Variants in EVC observed in about 807,000 individuals in gnomAD.
EVC encodes evC complex member EVC.
EVC carries 116 observed loss-of-function variants against 118.9 expected under a neutral mutation model. The observed-to-expected ratio is 0.98, with a 90% CI of 0.84 to 1.14. The LOEUF (loss-of-function observed/expected upper bound fraction) is 1.14, where lower values mean the gene tolerates loss of function less well. Among genes scored for constraint, EVC ranks in the 50% most tolerant of loss-of-function variants. The pLI, the probability that EVC is intolerant of heterozygous loss-of-function variation, is 0.00. For synonymous variants in EVC, 619 were observed against 534.7 expected, an observed-to-expected ratio of 1.16 and a Z score of -2.18; for missense variants, 1,401 against 1,246.4, an observed-to-expected ratio of 1.12 and a Z score of -1.87.
intron 1 of EVC, among the ~76,000 whole-genome samples, chr4:5,718,215 A>G (rs1343053030): frequency 6.6e-6 from 1 of 152,154 alleles, no homozygotes; most frequent in African/African-American, 2.4e-5. Context: ...TGGGGGGAAA[A>G]CAGGGTTAGG....
intron 2 of EVC, among the ~76,000 whole-genome samples, chr4:5,721,718 T>C (rs757485806): frequency 3.9e-5 from 6 of 152,034 alleles, no homozygotes; most frequent in Non-Finnish European, 1.5e-5. Flanking sequence ...AATACAAAAA[T>C]CAGCTGGGTG....
chr4:5,751,371 G>A (rs1730340637), intron 8 of EVC, among the ~76,000 whole-genome samples: 1 of 152,136 alleles, frequency 6.6e-6, no homozygotes, highest in African/African-American at 2.4e-5. Context: ...CACATCGATT[G>A]CACCACCACT....
At chr4:5,729,000 C>CAG (rs1726327415) in intron 2 of EVC, among the ~76,000 whole-genome samples, 2 of 152,106 alleles carry the variant, frequency 1.3e-5, no homozygotes, top group Non-Finnish European at 2.9e-5. Flanking sequence ...ACCCATCTGT[C>CAG]TGTCCATCCT....
chr4:5,758,842 GTA>G (rs1349314809), intron 11 of EVC, among the ~76,000 whole-genome samples: 2 of 152,220 alleles, frequency 1.3e-5, no homozygotes, highest in Non-Finnish European at 2.9e-5. Context: ...TAGTTTAAAA[GTA>G]TGTAAACAAG....
chr4:5,790,859 C>T (rs939532297), intron 12 of EVC, among the ~76,000 whole-genome samples: 12 of 152,108 alleles, frequency 7.9e-5, no homozygotes, highest in African/African-American at 2.4e-4. Context: ...TTTGGGAGGC[C>T]GAGGCAGATG....
chr4:5,758,874 G>A (rs1354694393), intron 11 of EVC, among the ~76,000 whole-genome samples: 1 of 152,242 alleles, frequency 6.6e-6, no homozygotes, highest in Non-Finnish European at 1.5e-5. Context: ...TAAAGGGGAT[G>A]CAGCACAGAG....
At chr4:5,783,252 G>GT (rs1735904771) in intron 11 of EVC, among the ~76,000 whole-genome samples, 1 of 152,266 alleles carries the variant, frequency 6.6e-6, no homozygotes, top group African/African-American at 2.4e-5. Flanking sequence ...GTGTGTGCAT[G>GT]TGTGTATATG....
chr4:5,739,222 G>T (rs190544007), intron 5 of EVC, among the ~76,000 whole-genome samples: 17 of 152,282 alleles, frequency 1.1e-4, no homozygotes, highest in Non-Finnish European at 2.1e-4. Context: ...TTGGGGTCAG[G>T]AAGAAAGTAG....
intron 12 of EVC, among the ~76,000 whole-genome samples, chr4:5,790,910 A>G (rs1178940901): frequency 6.6e-6 from 1 of 152,166 alleles, no homozygotes; most frequent in Non-Finnish European, 1.5e-5. Flanking sequence ...CCTGTCCAAC[A>G]TGGTGAAACC....
At chr4:5,808,759 T>C (rs1041242494) in intron 18 of EVC, among the ~76,000 whole-genome samples, 1 of 152,210 alleles carries the variant, frequency 6.6e-6, no homozygotes, top group Non-Finnish European at 1.5e-5. Flanking sequence ...TGATATAAAG[T>C]GCATATTTCA....
At chr4:5,730,210 T>A (rs537355600) in intron 3 of EVC, among the ~76,000 whole-genome samples, 1 of 152,180 alleles carries the variant, frequency 6.6e-6, no homozygotes, top group African/African-American at 2.4e-5. Flanking sequence ...TTACACAAGA[T>A]AACATACATG....
intron 6 of EVC, among the ~76,000 whole-genome samples, chr4:5,744,504 T>TTG (rs1192749083): frequency 6.6e-6 from 1 of 152,164 alleles, no homozygotes; most frequent in African/African-American, 2.4e-5. Flanking sequence ...TCAGAATCAT[T>TTG]TGAGAGAGTC....
chr4:5,801,816 C>A, intron 15 of EVC, 134 bp from the exon 16 acceptor site: 2 of 961,852 alleles, frequency 2.1e-6, no homozygotes, highest in Non-Finnish European at 3.3e-6. Context: ...TCTCTGCCTG[C>A]TTCCTGACCA....
In EVC at chr4:5,731,796, C is replaced by G; in HGVS notation, c.617+139C>G. The G allele has an allele frequency of 1.2e-6, 1 of 856,296 alleles. No homozygotes were observed. The highest frequency in any genetic ancestry group is 3.2e-4 in the Middle Eastern group (1 of 3,104). 53.0% of individuals were successfully genotyped at this position (856,296 alleles called of 1,614,324 possible). A position where few individuals can be genotyped will look rare whatever the true frequency, so the allele number is the denominator to read the frequency against. On this transcript the variant is annotated intron_variant, in intron 4 of 20. Transcript: ENST00000264956. This position sits in a 1 kb window ranked among gnomAD's most constrained non-coding sequence, Gnocchi z 5.6. ...AGGGACACACAGCGACCCAGCGTCA[C>G]CATCGGAGCCCCAGAGGCCTTTGTC...
At chr4:5,765,096 T>A (rs1325950285) in intron 11 of EVC, among the ~76,000 whole-genome samples, 2 of 117,334 alleles carry the variant, frequency 1.7e-5, no homozygotes, top group Admixed American at 1.5e-4. Context: ...GATTTTGGTA[T>A]GTTGTGTCTT....
At chr4:5,721,019 ACTCT>A (rs1724871646) in intron 2 of EVC, among the ~76,000 whole-genome samples, 3 of 147,628 alleles carry the variant, frequency 2.0e-5, no homozygotes, top group African/African-American at 7.5e-5. Flanking sequence ...CCAGTCCATC[ACTCT>A]CTCATGTGTC....
At chr4:5,810,594 G>A (rs1716754603) in intron 20 of EVC, 144 bp downstream of exon 20, 6 of 726,556 alleles carry the variant, frequency 8.3e-6, no homozygotes, top group South Asian at 6.4e-5. Flanking sequence ...AGATATGAAC[G>A]TAATTTGTGG....
At chr4:5,762,611 G>A (rs1377941871) in intron 11 of EVC, among the ~76,000 whole-genome samples, 4 of 149,628 alleles carry the variant, frequency 2.7e-5, no homozygotes, top group African/African-American at 9.9e-5. Flanking sequence ...GTGTGAGATG[G>A]TATCTCATTG....
chr4:5,798,770 C>T lies in EVC; in HGVS notation c.2282C>T (p.Ala761Val). The T allele has an allele frequency of 6.2e-7, 1 of 1,611,076 alleles. No homozygotes were observed. Among genetic ancestry groups the T allele is most frequent in the Middle Eastern group, 2.2e-4 (1 of 4,494 alleles). ...HARNAATKSR[A>V]KDRDDFKRTL... ...CGGAATGCAGCCACCAAGAGCCGGG[C>T]CAAGGACAGGGATGACTTCAAGGTA... is the stretch of plus-strand genomic sequence containing the variant. Residue 761 changes from alanine (A) to valine (V), a missense_variant, in exon 15 of 21, where the codon GCC becomes GTC. Coordinates refer to ENST00000264956, the MANE Select transcript of EVC (RefSeq NM_153717.3). The surrounding 1 kb of genome is among the most constrained non-coding windows in gnomAD (Gnocchi z 4.1).
Sources: gnomAD v4.1 joint callset for allele counts (sites outside exome capture counted in the v4.1 genomes callset) on GRCh38, gnomAD v4.1.1 for gene constraint, Gnocchi (gnomAD v3.1) non-coding constraint, MANE v1.5 for transcripts, NCBI Gene and HGNC (gene_info 2026-07-23, HGNC 2026-07-21) for gene names.